The following ETV6 variants were observed in gnomAD, a reference collection of about 807,000 sequenced individuals.
ETV6 encodes the protein transcription factor ETV6.
In ETV6, 16 loss-of-function variants were observed where a neutral mutation model predicts 51.1. That is an observed-to-expected ratio of 0.31 (90% CI 0.21 to 0.48). The LOEUF (loss-of-function observed/expected upper bound fraction) is 0.48, where lower values mean the gene tolerates loss of function less well. Ranked by LOEUF, ETV6 falls within the 20% of genes least tolerant of loss-of-function variation. The pLI, the probability that ETV6 is intolerant of heterozygous loss-of-function variation, is 0.99. For synonymous variants in ETV6, 240 were observed against 224.1 expected, an observed-to-expected ratio of 1.07 and a Z score of -0.64; for missense variants, 458 against 594.8, an observed-to-expected ratio of 0.77 and a Z score of 2.39.
At chr12:11,702,182 A>AGAT (rs1413508138) in intron 1 of ETV6, among the ~76,000 whole-genome samples, 1 of 152,074 alleles carries the variant, frequency 6.6e-6, no homozygotes, top group Non-Finnish European at 1.5e-5. Flanking sequence ...TTTAGGCCAG[A>AGAT]GATGGTGAGG....
At position 11,893,857 on chromosome 12, in the gene ETV6, T is replaced by C. The variant is rs112762440; in HGVS notation, c.*2811T>C. On this transcript the variant is annotated 3_prime_UTR_variant, in exon 8 of 8. Transcript: ENST00000396373. The stretch of plus-strand genomic sequence containing the variant: ...ATATATATATACACACACACACACA[T>C]ACACAAATATTCCAGGATACAAAAA... 0.04 allele frequency: 5,281 copies of C among 133,152 alleles called. 458 individuals are homozygous for C. The highest frequency in any genetic ancestry group is 0.15 in the African/African-American group (4,237 of 27,884). 8.2% of individuals were successfully genotyped at this position (133,152 alleles called of 1,614,324 possible).
At chr12:11,842,966 A>G (rs867500400) in intron 3 of ETV6, among the ~76,000 whole-genome samples, 1 of 152,246 alleles carries the variant, frequency 6.6e-6, no homozygotes, top group East Asian at 1.9e-4. Context: ...CTGCAGTTGG[A>G]CATCTAAAAC....
chr12:11,819,436 C>T (rs562830844), intron 2 of ETV6, among the ~76,000 whole-genome samples: 49 of 152,322 alleles, frequency 3.2e-4, no homozygotes, highest in African/African-American at 9.6e-4. Context: ...GCGGCTTCAA[C>T]GATCATCAGT....
At chr12:11,661,039 A>G (rs966945462) in intron 1 of ETV6, among the ~76,000 whole-genome samples, 6 of 152,144 alleles carry the variant, frequency 3.9e-5, no homozygotes, top group African/African-American at 1.4e-4. Flanking sequence ...ACCCATGCTG[A>G]ACTACAGTGG....
At chr12:11,711,379 G>A (rs766069645) in intron 1 of ETV6, among the ~76,000 whole-genome samples, 4 of 152,222 alleles carry the variant, frequency 2.6e-5, no homozygotes, top group Admixed American at 6.5e-5. Context: ...AGTTCTAGGA[G>A]TTTCTTTGCC....
At chr12:11,875,962 G>A (rs890838245) in intron 5 of ETV6, among the ~76,000 whole-genome samples, 2 of 152,200 alleles carry the variant, frequency 1.3e-5, no homozygotes, top group Non-Finnish European at 2.9e-5. Flanking sequence ...TACAGAAAAC[G>A]TTTGATGCTC....
chr12:11,808,172 C>CA (rs1945856836), intron 2 of ETV6, among the ~76,000 whole-genome samples: 1 of 152,132 alleles, frequency 6.6e-6, no homozygotes, highest in Non-Finnish European at 1.5e-5. Context: ...TAGTTCATTC[C>CA]AAAACCTCAA....
At chr12:11,804,638 C>G (rs1223893901) in intron 2 of ETV6, among the ~76,000 whole-genome samples, 1 of 152,194 alleles carries the variant, frequency 6.6e-6, no homozygotes, top group Admixed American at 6.5e-5. Flanking sequence ...TCCCCAACAG[C>G]ATTATCCAAA....
intron 2 of ETV6, among the ~76,000 whole-genome samples, chr12:11,777,640 T>C (rs1226061852): frequency 6.6e-6 from 1 of 152,146 alleles, no homozygotes; most frequent in Admixed American, 6.5e-5. Context: ...GTAAGTAGGA[T>C]AAATGCACCA....
At chr12:11,667,050 G>A (rs914962764) in intron 1 of ETV6, among the ~76,000 whole-genome samples, 1 of 152,212 alleles carries the variant, frequency 6.6e-6, no homozygotes, top group African/African-American at 2.4e-5. Flanking sequence ...ATATGAATGT[G>A]AAAATACACA....
intron 4 of ETV6, among the ~76,000 whole-genome samples, chr12:11,854,179 A>G (rs1377025984): frequency 6.6e-6 from 1 of 151,968 alleles, no homozygotes; most frequent in East Asian, 1.9e-4. Context: ...GTGCAACTAG[A>G]TCCCGCGCAT....
chr12:11,786,156 G>T (rs1230570218), intron 2 of ETV6, among the ~76,000 whole-genome samples: 1 of 151,998 alleles, frequency 6.6e-6, no homozygotes. Flanking sequence ...GATTATTCCA[G>T]GCCTTATGCA....
At chr12:11,707,642 A>G (rs1361973712) in intron 1 of ETV6, among the ~76,000 whole-genome samples, 1 of 152,188 alleles carries the variant, frequency 6.6e-6, no homozygotes, top group African/African-American at 2.4e-5. Context: ...TCTCCCCTCT[A>G]ACCTCCTGCA....
At chr12:11,838,846 C>A (rs910406398) in intron 2 of ETV6, among the ~76,000 whole-genome samples, 4 of 152,224 alleles carry the variant, frequency 2.6e-5, no homozygotes, top group Admixed American at 2.6e-4. Context: ...CATAAAAGAT[C>A]TTTTTCTCAT....
chr12:11,861,892 G>T (rs923228742), intron 4 of ETV6, among the ~76,000 whole-genome samples: 3 of 152,128 alleles, frequency 2.0e-5, no homozygotes, highest in Admixed American at 2.0e-4. Flanking sequence ...CCAATCCTTT[G>T]ATTTTTTAAT....
chr12:11,669,356 G>GTCCTCCTGTCCTCCCT (rs1864260413), intron 1 of ETV6, among the ~76,000 whole-genome samples: 1 of 116,962 alleles, frequency 8.5e-6, no homozygotes, highest in Non-Finnish European at 1.6e-5. Context: ...CCGTCCTCCT[G>GTCCTCCTGTCCTCCCT]TCCTCCCTTC....
At chr12:11,747,126 C>G (rs1416291962) in intron 1 of ETV6, among the ~76,000 whole-genome samples, 1 of 152,170 alleles carries the variant, frequency 6.6e-6, no homozygotes, top group Non-Finnish European at 1.5e-5. Context: ...AGTGGGCCAT[C>G]TGGGTAACCT....
At chr12:11,740,160 T>C (rs1482106026) in intron 1 of ETV6, among the ~76,000 whole-genome samples, 1 of 152,218 alleles carries the variant, frequency 6.6e-6, no homozygotes, top group Non-Finnish European at 1.5e-5. Flanking sequence ...TCCTTGTACC[T>C]TTACGCCAGG....
At chr12:11,692,468 C>T (rs1214550694) in intron 1 of ETV6, among the ~76,000 whole-genome samples, 2 of 152,194 alleles carry the variant, frequency 1.3e-5, no homozygotes, top group Non-Finnish European at 2.9e-5. Flanking sequence ...CTCCCACTAA[C>T]TTCCCAGCCC....
Sources: allele counts gnomAD v4.1 joint callset (sites outside exome capture counted in the v4.1 genomes callset), GRCh38; gene constraint gnomAD v4.1.1; transcripts MANE v1.5; gene names NCBI Gene and HGNC (gene_info 2026-07-23, HGNC 2026-07-21).